NXN: variants seen among roughly 807,000 people sequenced by gnomAD.
NXN encodes nucleoredoxin.
Under a neutral mutation model 48.6 loss-of-function variants are expected in NXN, and 16 were observed. The ratio of observed to expected loss-of-function variants is 0.33; its 90% CI spans 0.22 to 0.50. The LOEUF (loss-of-function observed/expected upper bound fraction) is 0.50, where lower values mean the gene tolerates loss of function less well. Among genes scored for constraint, NXN ranks in the 20% least tolerant of loss-of-function variants. The probability of loss-of-function intolerance (pLI) is 0.98; values close to 1 mark genes in which losing one functional copy is unlikely to be tolerated. For synonymous variants in NXN, 281 were observed against 269.6 expected (o/e 1.04, Z -0.41); for missense variants, 492 against 605.5 (o/e 0.81, Z 1.97).
At chr17:864,136 G>T in intron 1 of NXN, 2 of 1,435,322 alleles carry the variant, frequency 1.4e-6, no homozygotes, top group African/African-American at 1.5e-5. Context: ...CCGGTGAAGG[G>T]GCACGTTCAC....
chr17:859,499 A>T (rs2144774538), intron 1 of NXN, among the ~76,000 whole-genome samples: 1 of 152,318 alleles, frequency 6.6e-6, no homozygotes, highest in Non-Finnish European at 1.5e-5. Context: ...AGAAAAAAAA[A>T]TGGTTCCCAG....
intron 1 of NXN, among the ~76,000 whole-genome samples, chr17:931,962 G>A (rs1383443366): frequency 6.6e-6 from 1 of 151,846 alleles, no homozygotes. Flanking sequence ...TGGCCAAGAC[G>A]GTGAAACCCC....
intron 1 of NXN, among the ~76,000 whole-genome samples, chr17:836,239 C>G (rs1399287400): frequency 6.6e-6 from 1 of 152,204 alleles, no homozygotes; most frequent in Non-Finnish European, 1.5e-5. Context: ...CCCCCGCATG[C>G]TAAGGACCAG....
At chr17:828,891 T>C (rs2144664062) in intron 1 of NXN, among the ~76,000 whole-genome samples, 1 of 138,338 alleles carries the variant, frequency 7.2e-6, no homozygotes, top group South Asian at 2.3e-4. Flanking sequence ...GATTGAATTT[T>C]TCTGGTTTAA....
chr17:822,148 G>A (rs891575143), intron 4 of NXN, among the ~76,000 whole-genome samples: 6 of 151,814 alleles, frequency 4.0e-5, no homozygotes, highest in Admixed American at 6.6e-5. Context: ...GCATGGTGGC[G>A]GGCACCTGTA....
At chr17:964,570 A>AT (rs1392937654) in intron 1 of NXN, among the ~76,000 whole-genome samples, 1 of 152,126 alleles carries the variant, frequency 6.6e-6, no homozygotes. Context: ...TAGGAAACTG[A>AT]TTTCCCCCCA....
chr17:814,724 G>A (rs773501238), intron 5 of NXN, among the ~76,000 whole-genome samples: 17 of 152,238 alleles, frequency 1.1e-4, no homozygotes, highest in Non-Finnish European at 1.9e-4. Context: ...TGGTTAGCAC[G>A]CACTCAATAC....
intron 1 of NXN, among the ~76,000 whole-genome samples, chr17:964,614 C>T (rs930539137): frequency 2.0e-5 from 3 of 152,196 alleles, no homozygotes; most frequent in Non-Finnish European, 4.4e-5. Context: ...TTCCAATTCA[C>T]CCTCACGCCT....
intron 1 of NXN, among the ~76,000 whole-genome samples, chr17:833,599 T>C (rs1448702581): frequency 1.3e-5 from 2 of 151,472 alleles, no homozygotes; most frequent in Non-Finnish European, 3.0e-5. Flanking sequence ...ACAAAAGCTA[T>C]GGATCTTTCA....
At chr17:947,919 C>T (rs557436471) in intron 1 of NXN, among the ~76,000 whole-genome samples, 5 of 147,416 alleles carry the variant, frequency 3.4e-5, no homozygotes, top group Admixed American at 1.4e-4. Flanking sequence ...GATGTGGCAG[C>T]GTGCGCCTGT....
rs377413524 is a variant in NXN at position 956,079 on chromosome 17, G to T, written c.360+23240C>A. Among the ~76,000 whole-genome samples, 305 of 152,218 alleles carry T rather than the reference G, an allele frequency of 2.0e-3. No homozygotes were observed. The highest frequency in any genetic ancestry group is 6.8e-3 in the African/African-American group (284 of 41,530). On this transcript the variant is annotated intron_variant, in intron 1 of 7. Coordinates refer to ENST00000336868, the MANE Select transcript of NXN (RefSeq NM_022463.5). This position sits in a 1 kb window ranked among gnomAD's most constrained non-coding sequence, Gnocchi z 4.1. ...CTTTCCAGGGTATCATTCAGTGACT[G>T]CATTGTTCAATATTTTGAAATAAGG...
chr17:838,331 C>G lies in NXN; in HGVS notation c.361-12253G>C, dbSNP rs1195634504. On this transcript the variant is annotated intron_variant, in intron 1 of 7. Coordinates refer to ENST00000336868, the MANE Select transcript of NXN (RefSeq NM_022463.5). Reference sequence around the variant, plus strand: ...ATTTTTAGTTGAGACGGGGTCTCACCATCTTGGCCAGGCTGGTCTCAAACT... The same window carrying G: ...ATTTTTAGTTGAGACGGGGTCTCACGATCTTGGCCAGGCTGGTCTCAAACT... Among the ~76,000 whole-genome samples, 3 of 151,966 alleles carry G rather than the reference C, an allele frequency of 2.0e-5. No individual in the cohort carries two copies. The East Asian group carries it at 5.8e-4, about 29-fold the overall frequency.
chr17:942,045 T>C (rs367749323), intron 1 of NXN, among the ~76,000 whole-genome samples: 106 of 40,134 alleles, frequency 2.6e-3, no homozygotes, highest in South Asian at 6.4e-3. Flanking sequence ...GGATTTACAG[T>C]GAACAAGATT....
At chr17:835,613 C>T (rs8066620) in intron 1 of NXN, among the ~76,000 whole-genome samples, 47,606 of 151,530 alleles carry the variant, frequency 0.31, 7,816 homozygotes, top group African/African-American at 0.4. Context: ...AACAATGAAA[C>T]ACATATCAAA....
At position 800,013 on chromosome 17, in the gene NXN, G is replaced by C. The variant is rs1911121900; in HGVS notation, c.*936C>G. ...TGCCTGTAATCCCAGCTACTCGGGA[G>C]GCTGAGGCAGGAGAATCACTTGAAC... On this transcript the variant is annotated 3_prime_UTR_variant, in exon 8 of 8. Coordinates refer to ENST00000336868, the MANE Select transcript of NXN (RefSeq NM_022463.5). 1 of 152,500 alleles carries C rather than the reference G, an allele frequency of 6.6e-6. No individual in the cohort carries two copies. The highest frequency in any genetic ancestry group is 1.5e-5 in the Non-Finnish European group (1 of 68,256). 9.4% of individuals were successfully genotyped at this position (152,500 alleles called of 1,614,324 possible). A position where few individuals can be genotyped will look rare whatever the true frequency, so the allele number is the denominator to read the frequency against.
At chr17:858,790 G>A (rs1478591245) in intron 1 of NXN, among the ~76,000 whole-genome samples, 1 of 152,160 alleles carries the variant, frequency 6.6e-6, no homozygotes, top group African/African-American at 2.4e-5. Context: ...ACACACGAAG[G>A]GTCTGAGATG....
At chr17:861,835 T>G (rs1278068074) in intron 1 of NXN, among the ~76,000 whole-genome samples, 1 of 149,010 alleles carries the variant, frequency 6.7e-6, no homozygotes, top group Non-Finnish European at 1.5e-5. Flanking sequence ...CTTTTTTTGT[T>G]TTTTCTTTTA....
chr17:897,477 C>T (rs554511413), intron 1 of NXN, among the ~76,000 whole-genome samples: 50 of 152,210 alleles, frequency 3.3e-4, no homozygotes, highest in African/African-American at 1.2e-3. Context: ...AAAGGCAGCA[C>T]GTAAATTGAA....
intron 5 of NXN, among the ~76,000 whole-genome samples, chr17:812,885 T>C (rs950886943): frequency 2.0e-5 from 3 of 148,250 alleles, no homozygotes; most frequent in African/African-American, 2.5e-5. Context: ...TGTGCGCACA[T>C]GTGAATGTAG....
Sources: gnomAD v4.1 joint callset for allele counts (sites outside exome capture counted in the v4.1 genomes callset) on GRCh38, gnomAD v4.1.1 for gene constraint, Gnocchi (gnomAD v3.1) non-coding constraint, MANE v1.5 for transcripts, NCBI Gene and HGNC (gene_info 2026-07-23, HGNC 2026-07-21) for gene names.